Variants in HEMK2 observed in about 807,000 individuals in gnomAD.
HEMK2 encodes the protein HemK methyltransferase 2, ETF1 glutamine and histone H4 lysine.
At chr21:28,637,510 G>A in the HEMK2 span, among the ~76,000 whole-genome samples, 5 of 151,300 alleles carry the variant, frequency 3.3e-5, no homozygotes, top group East Asian at 1.9e-4. Flanking sequence ...GCTGAGAATC[G>A]CATTACCAGA....
At chr21:28,611,415 C>T in the HEMK2 span, among the ~76,000 whole-genome samples, 3 of 152,024 alleles carry the variant, frequency 2.0e-5, no homozygotes, top group African/African-American at 7.2e-5. Context: ...ACAACTGATA[C>T]CACAGAAATA....
chr21:28,589,046 A>G, the HEMK2 span, among the ~76,000 whole-genome samples: 7 of 152,186 alleles, frequency 4.6e-5, no homozygotes, highest in African/African-American at 1.7e-4. Context: ...TCCCTAAGTG[A>G]AAAAACACCA....
the HEMK2 span, among the ~76,000 whole-genome samples, chr21:28,752,528 A>G: frequency 3.3e-5 from 5 of 152,176 alleles, no homozygotes; most frequent in African/African-American, 1.2e-4. Flanking sequence ...AATATAGTAT[A>G]TGTTTTCTTC....
chr21:28,860,057 T>C, the HEMK2 span, among the ~76,000 whole-genome samples: 6 of 152,158 alleles, frequency 3.9e-5, no homozygotes, highest in Non-Finnish European at 7.3e-5. Flanking sequence ...AGGGGTGGAC[T>C]TGCGATGGTT....
the HEMK2 span, among the ~76,000 whole-genome samples, chr21:28,775,690 T>C: frequency 1.2e-4 from 18 of 152,274 alleles, no homozygotes; most frequent in Admixed American, 9.8e-4. Flanking sequence ...CAGTAAAAGG[T>C]ACCTGAATTT....
the HEMK2 span, among the ~76,000 whole-genome samples, chr21:28,686,337 C>T: frequency 5.9e-4 from 90 of 152,176 alleles, no homozygotes; most frequent in African/African-American, 2.0e-3. Context: ...CAGGTTCAAG[C>T]GACTCTCCTG....
At chr21:28,794,575 T>C in the HEMK2 span, among the ~76,000 whole-genome samples, 1 of 152,366 alleles carries the variant, frequency 6.6e-6, no homozygotes, top group South Asian at 2.1e-4. Context: ...AACTGCATAT[T>C]TGAGAATTTC....
At chr21:28,682,128 G>T in the HEMK2 span, among the ~76,000 whole-genome samples, 2 of 151,756 alleles carry the variant, frequency 1.3e-5, no homozygotes, top group African/African-American at 4.8e-5. Context: ...TACAGAATGG[G>T]AGAAAATTTT....
the HEMK2 span, among the ~76,000 whole-genome samples, chr21:28,790,993 AG>A: frequency 6.6e-6 from 1 of 152,146 alleles, no homozygotes; most frequent in African/African-American, 2.4e-5. Flanking sequence ...AATAAAAAAA[AG>A]AATATTTTGC....
chr21:28,587,107 A>G, the HEMK2 span, among the ~76,000 whole-genome samples: 8 of 152,098 alleles, frequency 5.3e-5, no homozygotes, highest in Admixed American at 3.3e-4. Context: ...CAATCTAAAA[A>G]TTGCAAGCTA....
the HEMK2 span, among the ~76,000 whole-genome samples, chr21:28,754,360 T>A: frequency 6.6e-6 from 1 of 152,260 alleles, no homozygotes; most frequent in East Asian, 1.9e-4. Flanking sequence ...GGAGCCTACC[T>A]CGTGCCTTGT....
At chr21:28,640,709 C>G in the HEMK2 span, among the ~76,000 whole-genome samples, 1 of 116,366 alleles carries the variant, frequency 8.6e-6, no homozygotes, top group African/African-American at 2.5e-5. Flanking sequence ...CAAATCCAAT[C>G]CTCTAGGACT....
At chr21:28,831,642 A>AAAGAAGGAAG in the HEMK2 span, among the ~76,000 whole-genome samples, 1 of 32,692 alleles carries the variant, frequency 3.1e-5, no homozygotes, top group African/African-American at 1.7e-4. Context: ...AAGGAAAGAA[A>AAAGAAGGAAG]GAAAGAAAGA....
At chr21:28,701,331 A>G in the HEMK2 span, among the ~76,000 whole-genome samples, 1 of 152,116 alleles carries the variant, frequency 6.6e-6, no homozygotes, top group Non-Finnish European at 1.5e-5. Context: ...AAGGCATCCA[A>G]ATAGGAGGAG....
the HEMK2 span, among the ~76,000 whole-genome samples, chr21:28,838,060 CA>C: frequency 6.6e-6 from 1 of 151,912 alleles, no homozygotes; most frequent in African/African-American, 2.4e-5. Context: ...AAACTGCCAA[CA>C]AAAAAATAGC....
the HEMK2 span, among the ~76,000 whole-genome samples, chr21:28,776,217 T>A: frequency 6.6e-6 from 1 of 152,178 alleles, no homozygotes; most frequent in Non-Finnish European, 1.5e-5. Context: ...TAATTAGGAT[T>A]TCTTCTCAAA....
At chr21:28,730,861 G>A in the HEMK2 span, among the ~76,000 whole-genome samples, 2 of 152,090 alleles carry the variant, frequency 1.3e-5, no homozygotes, top group East Asian at 3.9e-4. Flanking sequence ...TCAAGAGGAA[G>A]AGATTATACA....
the HEMK2 span, among the ~76,000 whole-genome samples, chr21:28,603,475 T>G: frequency 1.3e-5 from 2 of 151,994 alleles, no homozygotes; most frequent in African/African-American, 2.4e-5. Context: ...TGAGGATATA[T>G]ATAGATAGAT....
chr21:28,579,668 C>T, the HEMK2 span, among the ~76,000 whole-genome samples: 1 of 152,034 alleles, frequency 6.6e-6, no homozygotes, highest in Non-Finnish European at 1.5e-5. Flanking sequence ...ATAAGAATGA[C>T]CCATGTCAAG....
Sources: gnomAD v4.1 joint callset for allele counts (sites outside exome capture counted in the v4.1 genomes callset) on GRCh38, gnomAD v4.1.1 for gene constraint, MANE v1.5 for transcripts, NCBI Gene and HGNC (gene_info 2026-07-23, HGNC 2026-07-21) for gene names.